The following AMPH variants were observed in gnomAD, a reference collection of about 807,000 sequenced individuals.
The protein encoded by AMPH is amphiphysin, also known as amphiphysin (Stiff-Mann syndrome with breast cancer 128kD autoantigen).
AMPH carries 49 observed loss-of-function variants against 99.1 expected under a neutral mutation model. The ratio of observed to expected loss-of-function variants is 0.49; its 90% confidence interval spans 0.39 to 0.63. AMPH has a LOEUF of 0.63. AMPH is among the 20% of genes least tolerant of loss of function. The pLI is 0.00. For synonymous variants in AMPH, 314 were observed against 317.3 expected (o/e 0.99, Z 0.11); for missense variants, 759 against 863.4 (o/e 0.88, Z 1.52).
rs369541852 is a variant in AMPH at position 38,521,603 on chromosome 7, T to C, written c.150+13328A>G. Among the ~76,000 whole-genome samples the C allele has an allele frequency of 9.2e-5, 14 of 152,294 alleles. No homozygotes were observed. In the South Asian group the frequency reaches 2.9e-3, roughly 32 times the overall value. On this transcript the variant is annotated intron_variant, in intron 2 of 20. Coordinates refer to ENST00000356264, the MANE Select transcript of AMPH (RefSeq NM_001635.4). ...AAAGGTAGAGAGATTTTTGGAAAAG[T>C]GCAGATTGAGTAGAACATACCCCTC...
chr7:38,388,027 A>C (rs2128972876), intron 20 of AMPH, among the ~76,000 whole-genome samples: 1 of 152,224 alleles, frequency 6.6e-6, no homozygotes, highest in South Asian at 2.1e-4. Flanking sequence ...GTTAAAAATT[A>C]AGAATAATAA....
chr7:38,462,608 G>A (rs1292396821), intron 10 of AMPH, among the ~76,000 whole-genome samples: 2 of 152,196 alleles, frequency 1.3e-5, no homozygotes, highest in African/African-American at 4.8e-5. Flanking sequence ...TTTCTTGGCA[G>A]TACCTGCCAA....
intron 7 of AMPH, among the ~76,000 whole-genome samples, chr7:38,467,622 T>C (rs1435271688): frequency 6.9e-6 from 1 of 143,962 alleles, no homozygotes; most frequent in Non-Finnish European, 1.5e-5. Flanking sequence ...CTGCTCTATT[T>C]ATACTTACAA....
intron 1 of AMPH, among the ~76,000 whole-genome samples, chr7:38,619,881 T>C (rs1352304201): frequency 2.0e-5 from 3 of 152,260 alleles, no homozygotes; most frequent in Admixed American, 6.5e-5. Context: ...AGAGAAAATA[T>C]TGTGTTATAA....
intron 2 of AMPH, chr7:38,530,900 G>A (rs1224382178): frequency 1.3e-5 from 2 of 152,212 alleles, no homozygotes; most frequent in African/African-American, 4.8e-5. Context: ...TAAAATCCTT[G>A]CTCTCCTTAG....
chr7:38,417,792 G>C, intron 17 of AMPH, 33 bp downstream of exon 17: 1 of 1,610,940 alleles, frequency 6.2e-7, no homozygotes, highest in Non-Finnish European at 8.5e-7. Context: ...TGGCAGCGAG[G>C]CAGATGGAGG....
chr7:38,570,838 C>T (rs755032004), intron 1 of AMPH, among the ~76,000 whole-genome samples: 4 of 141,544 alleles, frequency 2.8e-5, no homozygotes, highest in East Asian at 2.0e-4. Flanking sequence ...TAGGACAAGG[C>T]GTGGAGGTGG....
At chr7:38,630,867 C>A (rs1002639351) in intron 1 of AMPH, among the ~76,000 whole-genome samples, 2 of 152,212 alleles carry the variant, frequency 1.3e-5, no homozygotes, top group African/African-American at 4.8e-5. Context: ...CGCGTCCCCG[C>A]GAGCTGCCTG....
At chr7:38,448,284 G>A (rs915517644) in intron 11 of AMPH, among the ~76,000 whole-genome samples, 8 of 152,164 alleles carry the variant, frequency 5.3e-5, no homozygotes, top group African/African-American at 1.4e-4. Context: ...AAATCGTTCA[G>A]TCATTTAAAA....
At chr7:38,593,827 T>C (rs1792948412) in intron 1 of AMPH, among the ~76,000 whole-genome samples, 2 of 152,064 alleles carry the variant, frequency 1.3e-5, no homozygotes, top group South Asian at 2.1e-4. Context: ...GTGCGTGAGA[T>C]GATAGTAAGG....
chr7:38,472,206 C>G (rs1787911887), intron 7 of AMPH, among the ~76,000 whole-genome samples: 1 of 151,938 alleles, frequency 6.6e-6, no homozygotes, highest in Non-Finnish European at 1.5e-5. Flanking sequence ...TACTTCATAC[C>G]CAGTATTATG....
rs374201409 is a variant in AMPH at position 38,436,402 on chromosome 7, C to A, written c.1018-14G>T. 2.5e-5 allele frequency: 40 copies of A among 1,588,924 alleles called. No individual in the cohort carries two copies. In the African/African-American group the frequency reaches 4.8e-4, roughly 19 times the overall value. On this transcript the variant is annotated splice_polypyrimidine_tract_variant and intron_variant, in intron 11 of 20. Coordinates refer to ENST00000356264, the MANE Select transcript of AMPH (RefSeq NM_001635.4). ...AGGGACTTCATTCTGTTAAAGCAAA[C>A]AACAAAACAAAATAAAACATGTATT...
intron 1 of AMPH, among the ~76,000 whole-genome samples, chr7:38,614,534 C>T (rs1314903744): frequency 6.6e-6 from 1 of 152,154 alleles, no homozygotes; most frequent in Non-Finnish European, 1.5e-5. Flanking sequence ...CGGCCCTTTG[C>T]CAATTGGTAG....
At chr7:38,528,969 G>A (rs1790295273) in intron 2 of AMPH, among the ~76,000 whole-genome samples, 2 of 151,930 alleles carry the variant, frequency 1.3e-5, no homozygotes, top group Admixed American at 1.3e-4. Context: ...TTTTTTCCCA[G>A]GACCCTAAGT....
intron 1 of AMPH, among the ~76,000 whole-genome samples, chr7:38,594,099 G>A (rs988225575): frequency 6.6e-6 from 1 of 152,170 alleles, no homozygotes; most frequent in Non-Finnish European, 1.5e-5. Context: ...AGCAGGAAGC[G>A]AAGCTGGGAG....
intron 1 of AMPH, among the ~76,000 whole-genome samples, chr7:38,537,744 T>G (rs1351342633): frequency 6.6e-6 from 1 of 152,232 alleles, no homozygotes; most frequent in African/African-American, 2.4e-5. Flanking sequence ...CAGTCTGCAC[T>G]AACAAAACTT....
chr7:38,556,331 C>T (rs989279239), intron 1 of AMPH, among the ~76,000 whole-genome samples: 1 of 152,146 alleles, frequency 6.6e-6, no homozygotes, highest in Non-Finnish European at 1.5e-5. Context: ...TTATTAGACA[C>T]CTGCTGTATG....
chr7:38,427,332 A>T (rs1785816112), intron 14 of AMPH, among the ~76,000 whole-genome samples: 1 of 152,188 alleles, frequency 6.6e-6, no homozygotes, highest in East Asian at 1.9e-4. Context: ...ATCTAGAAGA[A>T]ACTTCTCCAG....
chr7:38,390,079 A>G (rs181286226), intron 19 of AMPH, among the ~76,000 whole-genome samples, 174 bp from the exon 20 acceptor site: 1 of 152,356 alleles, frequency 6.6e-6, no homozygotes, highest in Non-Finnish European at 1.5e-5. Flanking sequence ...GAGGCCATTC[A>G]TATGTATATT....
Sources: gnomAD v4.1 joint callset for allele counts (sites outside exome capture counted in the v4.1 genomes callset) on GRCh38, gnomAD v4.1.1 for gene constraint, MANE v1.5 for transcripts, NCBI Gene and HGNC (gene_info 2026-07-23, HGNC 2026-07-21) for gene names.